Variants in CRAT observed in about 807,000 individuals in gnomAD.
CRAT encodes carnitine O-acetyltransferase, also known as carnitine acetylase.
CRAT carries 66 observed loss-of-function variants against 73.7 expected under a neutral mutation model. The observed-to-expected ratio is 0.90, with a 90% confidence interval of 0.73 to 1.10. The LOEUF is 1.10. CRAT is among the 50% of genes least tolerant of loss of function. The pLI is 0.00. For missense variants in CRAT, 745 were observed against 846.9 expected, an observed-to-expected ratio of 0.88 and a Z score of 1.49; for synonymous variants, 321 against 343.2, an observed-to-expected ratio of 0.94 and a Z score of 0.71.
At position 129,096,138 on chromosome 9, in the gene CRAT, G is replaced by T. The variant is rs763765723; in HGVS notation, c.1528-3C>A. 1.6e-5 allele frequency: 26 copies of T among 1,612,590 alleles called. No individual in the cohort carries two copies. The highest frequency in any genetic ancestry group is 2.1e-5 in the Non-Finnish European group (25 of 1,180,028). On this transcript the variant is annotated splice_region_variant and splice_polypyrimidine_tract_variant and intron_variant, in intron 12 of 13. Transcript: ENST00000318080. Reference sequence around the variant, plus strand: ...TCAAAGGCCTCCCCGCGGATGGCCTGTTGGGGTGGGAGAGCTGTCAGGAGC... The same window carrying T: ...TCAAAGGCCTCCCCGCGGATGGCCTTTTGGGGTGGGAGAGCTGTCAGGAGC...
chr9:129,102,026 C>G lies in CRAT; in HGVS notation c.662G>C (p.Gly221Ala), dbSNP rs770546253. Reference sequence around the variant, plus strand: ...GATCTGATCCGCAGTGAGGGGTGTCCCGTCACTGTGGTACACATCCAGCTC... The same window carrying G: ...GATCTGATCCGCAGTGAGGGGTGTCGCGTCACTGTGGTACACATCCAGCTC... ...FFELDVYHSD[G>A]TPLTADQIFV... Residue 221 changes from glycine (G) to alanine (A), a missense_variant, in exon 6 of 14, where the codon GGG becomes GCG. Physicochemically the swap from Gly to Ala is moderately conservative, Grantham distance 60. Transcript: ENST00000318080. The G allele has an allele frequency of 1.1e-5, 17 of 1,614,124 alleles. No individual in the cohort carries two copies. The highest frequency in any genetic ancestry group is 1.7e-4 in the Middle Eastern group (1 of 6,026).
chr9:129,097,350 C>A lies in CRAT; in HGVS notation c.1465-38G>T, dbSNP rs1487105432. ...GGGTCAGAGGGAGCTGAAGCACTGT[C>A]CCTTCTCTTCTGGCCCACCTCAGTA... is the stretch of plus-strand genomic sequence containing the variant. On this transcript the variant is annotated intron_variant, in intron 11 of 13. Transcript: ENST00000318080. 3.3e-6 allele frequency: 5 copies of A among 1,515,144 alleles called. No individual in the cohort carries two copies. The African/African-American group carries it at 5.5e-5, about 17-fold the overall frequency. 93.9% of individuals were successfully genotyped at this position (1,515,144 alleles called of 1,614,324 possible).
rs1308553958 is a variant in CRAT at position 129,099,783 on chromosome 9, T to C, written c.1085+83A>G. 5 of 1,090,526 alleles carry C rather than the reference T, an allele frequency of 4.6e-6. No homozygotes were observed. The African/African-American group carries it at 7.9e-5, about 17-fold the overall frequency. 67.6% of individuals were successfully genotyped at this position (1,090,526 alleles called of 1,614,324 possible). On this transcript the variant is annotated intron_variant, in intron 8 of 13. Transcript: ENST00000318080. ...TTCCCAGGCACAAAGGAGAGTGATATTTCTCTATAAGCTGGTCTATCACCT... is the reference window on the plus strand; with the variant it reads ...TTCCCAGGCACAAAGGAGAGTGATACTTCTCTATAAGCTGGTCTATCACCT...
At chr9:129,095,865 G>A (rs1001043969) in intron 13 of CRAT, 133 bp downstream of exon 13, 3 of 1,306,944 alleles carry the variant, frequency 2.3e-6, no homozygotes, top group Admixed American at 1.9e-5. Flanking sequence ...GCTGCAGAGA[G>A]GCCCCTGCCC....
Position 129,100,668 on chromosome 9 carries a change from A to C in CRAT, c.827T>G (p.Val276Gly), listed in dbSNP as rs1345461699. The C allele has an allele frequency of 1.9e-6, 3 of 1,613,600 alleles. No homozygotes were observed. The African/African-American group carries it at 4.0e-5, about 22-fold the overall frequency. ...GAAGATGCTCTTCTGGATGGAGCGC[A>C]CGGAATCCCGGTTCACCTTGTCTGC... The part of the protein sequence containing the change: ...LIKDKVNRDS[V>G]RSIQKSIFTV... Residue 276 changes from valine (V) to glycine (G), a missense_variant, in exon 7 of 14, where the codon GTG (valine) becomes GGG (glycine). Physicochemically the swap from Val to Gly is moderately radical, Grantham distance 109 (BLOSUM62 -3). Coordinates refer to ENST00000318080, the MANE Select transcript of CRAT (RefSeq NM_000755.5).
Position 129,106,678 on chromosome 9 carries a change from G to T in CRAT, c.291+1136C>A, listed in dbSNP as rs764968838. Among the ~76,000 whole-genome samples, 50 of 152,262 alleles carry T rather than the reference G, an allele frequency of 3.3e-4. No individual in the cohort carries two copies. Among genetic ancestry groups the T allele is most frequent in the South Asian group, 1.2e-3 (6 of 4,828 alleles). ...CCTGACCTGACGCGTCTCAGCAAATGTTGACAACTCCCACCTCCTGTGTGC... is the reference window on the plus strand; with the variant it reads ...CCTGACCTGACGCGTCTCAGCAAATTTTGACAACTCCCACCTCCTGTGTGC... On this transcript the variant is annotated intron_variant, in intron 2 of 13. Transcript: ENST00000318080. The surrounding 1 kb of genome is among the most constrained non-coding windows in gnomAD (Gnocchi z 4.0).
intron 9 of CRAT, 77 bp from the exon 10 acceptor site, chr9:129,098,448 G>C: frequency 1.3e-6 from 2 of 1,594,746 alleles, no homozygotes; most frequent in Non-Finnish European, 1.7e-6. Context: ...TGGGTGTCAT[G>C]ACAGAGCTGG....
chr9:129,100,098 T>C (rs886941912), intron 7 of CRAT, 132 bp from the exon 8 acceptor site: 1 of 653,358 alleles, frequency 1.5e-6, no homozygotes. Context: ...ATTACTGTTA[T>C]TAACAATAGC....
At position 129,098,063 on chromosome 9, in the gene CRAT, A is replaced by G. The variant is rs1280324895; in HGVS notation, c.1414T>C (p.Ser472Pro). 1 of 1,614,048 alleles carries G rather than the reference A, an allele frequency of 6.2e-7. No individual in the cohort carries two copies. Among genetic ancestry groups the G allele is most frequent in the Non-Finnish European group, 8.5e-7 (1 of 1,180,054 alleles). The change falls in exon 11 of 14, where the codon TCC (serine) becomes CCC (proline). Residue 472 changes from serine to proline, a missense_variant. Transcript: ENST00000318080. ...LGRTDTIRSA[S>P]MDSLTFVKAM... ...TTGACAAAGGTGAGTGAGTCCATGGAAGCCGAGCGGATGGTGTCGGTGCGG... is the reference window on the plus strand; with the variant it reads ...TTGACAAAGGTGAGTGAGTCCATGGGAGCCGAGCGGATGGTGTCGGTGCGG...
chr9:129,105,713 C>T (rs931150436), intron 2 of CRAT, among the ~76,000 whole-genome samples: 2 of 152,106 alleles, frequency 1.3e-5, no homozygotes, highest in African/African-American at 4.8e-5. Context: ...CCTGTGGCCT[C>T]GGGGAGTAGA....
In CRAT at chr9:129,101,978, C is replaced by T; in HGVS notation, c.710G>A (p.Trp237Ter). ...DQIFVQLEKI[W>*]NSSLQTNKEP... ...CTTGTTGGTCTGTAGGGATGAGTTC[C>T]AGATCTTCTCCAGCTGCACAAAGAT... The change falls in exon 6 of 14, where the codon TGG becomes TAG. Residue 237 changes from tryptophan to a stop codon, truncating the protein, a stop_gained. Transcript: ENST00000318080. LOFTEE classifies it high-confidence loss of function. 6.2e-7 allele frequency: 1 copy of T among 1,614,204 alleles called. No homozygotes were observed. Among genetic ancestry groups the T allele is most frequent in the Non-Finnish European group, 8.5e-7 (1 of 1,180,028 alleles).
chr9:129,098,784 AC>A, intron 8 of CRAT, 134 bp from the exon 9 acceptor site: 1 of 955,144 alleles, frequency 1.0e-6, no homozygotes, highest in Non-Finnish European at 1.4e-6. Context: ...TGTTCTGAAA[AC>A]CACCCTCACT....
Position 129,096,131 on chromosome 9 carries a change from A to G in CRAT, c.1532T>C (p.Ile511Thr). 6.2e-7 allele frequency: 1 copy of G among 1,612,896 alleles called. No homozygotes were observed. Among genetic ancestry groups the G allele is most frequent in the South Asian group, 1.1e-5 (1 of 91,052 alleles). The change falls in exon 13 of 14, where the codon ATC (isoleucine) becomes ACC (threonine). Residue 511 changes from isoleucine (I) to threonine (T), a missense_variant. By Grantham distance (89) the Ile-to-Thr change is moderately conservative. Coordinates refer to ENST00000318080, the MANE Select transcript of CRAT (RefSeq NM_000755.5). ...QAHRGYTDRA[I>T]RGEAFDRHLL... is the part of the protein sequence containing the mutation. ...GTGTCGATCAAAGGCCTCCCCGCGG[A>G]TGGCCTGTTGGGGTGGGAGAGCTGT...
chr9:129,097,117 T>G (rs1588441416), intron 12 of CRAT, 133 bp downstream of exon 12: 2 of 661,340 alleles, frequency 3.0e-6, no homozygotes, highest in Non-Finnish European at 2.4e-6. Context: ...TGGCTCCAGG[T>G]GCTCCCAGGT....
At chr9:129,108,209 G>A in intron 1 of CRAT, 132 bp from the exon 2 acceptor site, 1 of 1,247,228 alleles carries the variant, frequency 8.0e-7, no homozygotes, top group African/African-American at 1.5e-5. Flanking sequence ...GGCTGGCCCT[G>A]GCCTCCCAGC....
chr9:129,109,536 T>G (rs1278892061), intron 1 of CRAT, among the ~76,000 whole-genome samples: 1 of 152,220 alleles, frequency 6.6e-6, no homozygotes, highest in Non-Finnish European at 1.5e-5. Flanking sequence ...CAGGGGACTC[T>G]GGGCAAGTCC....
chr9:129,101,006 A>G (rs1564162800), intron 6 of CRAT, among the ~76,000 whole-genome samples: 1 of 152,220 alleles, frequency 6.6e-6, no homozygotes, highest in Non-Finnish European at 1.5e-5. Context: ...GGGAACCCAC[A>G]CAGGTGGTCT....
In CRAT at chr9:129,098,532, T is replaced by C. The variant is rs1229423511; in HGVS notation, c.1204A>G (p.Ile402Val). 8.1e-6 allele frequency: 13 copies of C among 1,607,002 alleles called. No homozygotes were observed. The highest frequency in any genetic ancestry group is 1.0e-5 in the Non-Finnish European group (12 of 1,177,674). The change falls in exon 9 of 14, where the codon ATC becomes GTC. Residue 402 changes from isoleucine to valine, a missense_variant and splice_region_variant. Ile to Val is a conservative substitution (Grantham distance 29, BLOSUM62 3). Transcript: ENST00000318080. ...DIEKAKQNLS[I>V]MIQDLDITVM... is the part of the protein sequence containing the mutation. ...GGGATGGCGGGGGCAGGCACTTACA[T>C]GCTGAGGTTCTGCTTGGCCTTCTCG...
intron 12 of CRAT, 71 bp downstream of exon 12, chr9:129,097,179 G>C: frequency 7.4e-7 from 1 of 1,353,910 alleles, no homozygotes; most frequent in Non-Finnish European, 1.0e-6. Flanking sequence ...CTGCAGGGAC[G>C]GACAGTCAGA....
Sources: gnomAD v4.1 joint callset for allele counts (sites outside exome capture counted in the v4.1 genomes callset) on GRCh38, gnomAD v4.1.1 for gene constraint, Gnocchi (gnomAD v3.1) non-coding constraint, MANE v1.5 for transcripts, NCBI Gene and HGNC (gene_info 2026-07-23, HGNC 2026-07-21) for gene names.